Variants in UBR3 observed in about 807,000 individuals in gnomAD.
The protein encoded by UBR3 is ubiquitin protein ligase E3 component n-recognin 3, also known as E3 ubiquitin-protein ligase UBR3.
Under a neutral mutation model 243.2 loss-of-function variants are expected in UBR3, and 85 were observed. The ratio of observed to expected loss-of-function variants is 0.35; its 90% CI spans 0.29 to 0.42. UBR3 has a LOEUF of 0.42. Ranked by LOEUF, UBR3 falls within the 10% of genes least tolerant of loss-of-function variation. UBR3 has a pLI of 1.00. For missense variants in UBR3, 1,686 were observed against 2,300.8 expected (o/e 0.73, Z 5.47); for synonymous variants, 748 against 799.8 (o/e 0.94, Z 1.09).
intron 24 of UBR3, among the ~76,000 whole-genome samples, chr2:169,965,409 GC>G (rs2087760554): frequency 6.6e-6 from 1 of 151,958 alleles, no homozygotes; most frequent in South Asian, 2.1e-4. Context: ...CTGTTCCAAG[GC>G]CCCCAGAGGA....
At chr2:169,941,689 A>G (rs1247095139) in intron 19 of UBR3, among the ~76,000 whole-genome samples, 1 of 152,196 alleles carries the variant, frequency 6.6e-6, no homozygotes, top group Non-Finnish European at 1.5e-5. Context: ...ATAGGTATGT[A>G]TGTGTAGGAA....
At chr2:169,857,458 C>T in intron 1 of UBR3, among the ~76,000 whole-genome samples, 1 of 151,946 alleles carries the variant, frequency 6.6e-6, no homozygotes, top group East Asian at 1.9e-4. Flanking sequence ...CTCTTGTTGC[C>T]CAGGCTGGAG....
In UBR3 at chr2:170,073,482, T is replaced by C; in HGVS notation, c.5074T>C (p.Tyr1692His). The C allele has an allele frequency of 2.5e-6, 4 of 1,613,838 alleles. No individual in the cohort carries two copies. The highest frequency in any genetic ancestry group is 3.4e-6 in the Non-Finnish European group (4 of 1,179,736). Residue 1692 changes from tyrosine (Y) to histidine (H), a missense_variant, in exon 36 of 39, where the codon TAC becomes CAC. Around this residue, in one of 8 missense-constraint regions of UBR3, gnomAD observed 371 missense variants for 422.5 expected, o/e 0.88. Coordinates refer to ENST00000272793, the MANE Select transcript of UBR3 (RefSeq NM_172070.4). ...CTGCCTGGGACTTCTGCCAACGTTT[T>C]ACCAAACAGAACATCCATTCATCAG... ...ASCLGLLPTF[Y>H]QTEHPFISAS...
At chr2:169,987,409 CA>C (rs78223401) in intron 25 of UBR3, among the ~76,000 whole-genome samples, 5 of 126,112 alleles carry the variant, frequency 4.0e-5, no homozygotes, top group Admixed American at 1.6e-4. Context: ...AAAAAAAAAA[CA>C]AAAAAAAAAC....
Position 169,984,241 on chromosome 2 carries a change from A to C in UBR3, c.3635-2404A>C, listed in dbSNP as rs73017658. Among the ~76,000 whole-genome samples the C allele has an allele frequency of 7.8e-3, 1,193 of 152,308 alleles. 13 individuals are homozygous for C. The highest frequency in any genetic ancestry group is 0.026 in the African/African-American group (1,074 of 41,566). On this transcript the variant is annotated intron_variant, in intron 24 of 38. Coordinates refer to ENST00000272793, the MANE Select transcript of UBR3 (RefSeq NM_172070.4). Reference sequence around the variant, plus strand: ...TACTCATTTAGAGTAGGGGTTTTTAAAAGAAACCTTTTTATTGAAATATAC... The same window carrying C: ...TACTCATTTAGAGTAGGGGTTTTTACAAGAAACCTTTTTATTGAAATATAC...
chr2:170,012,354 A>AT (rs2090110198), intron 29 of UBR3, among the ~76,000 whole-genome samples: 2 of 151,970 alleles, frequency 1.3e-5, no homozygotes, highest in Admixed American at 6.6e-5. Context: ...GTCAGTTCCC[A>AT]TTTTTTTTCT....
At chr2:170,033,575 AC>A (rs2090738222) in intron 31 of UBR3, among the ~76,000 whole-genome samples, 1 of 15,928 alleles carries the variant, frequency 6.3e-5, no homozygotes, top group African/African-American at 3.2e-4. Context: ...TGGTTTTTCC[AC>A]ACCCACCCCC....
chr2:169,886,773 C>G (rs895538935), intron 5 of UBR3, among the ~76,000 whole-genome samples: 10 of 152,182 alleles, frequency 6.6e-5, no homozygotes, highest in Admixed American at 3.3e-4. Context: ...TGGGCCCCAC[C>G]TTACAGCTGA....
At chr2:169,967,642 T>A (rs937273563) in intron 24 of UBR3, among the ~76,000 whole-genome samples, 5 of 152,040 alleles carry the variant, frequency 3.3e-5, no homozygotes, top group Non-Finnish European at 5.9e-5. Flanking sequence ...CATCTTACAT[T>A]AAGATTTCCT....
intron 30 of UBR3, among the ~76,000 whole-genome samples, chr2:170,017,140 C>G (rs2090259398): frequency 6.6e-6 from 1 of 151,456 alleles, no homozygotes; most frequent in Non-Finnish European, 1.5e-5. Context: ...GATGATGATT[C>G]ATGGGATCTC....
chr2:169,918,391 G>A (rs995754760), intron 11 of UBR3, among the ~76,000 whole-genome samples: 4 of 151,608 alleles, frequency 2.6e-5, no homozygotes, highest in Non-Finnish European at 4.4e-5. Context: ...TGACTAAGAG[G>A]CACATATTAC....
intron 11 of UBR3, among the ~76,000 whole-genome samples, chr2:169,918,466 T>C (rs943964662): frequency 2.0e-5 from 3 of 151,134 alleles, no homozygotes; most frequent in African/African-American, 7.3e-5. Context: ...ATTATGGTAA[T>C]CTAGTACAAA....
At chr2:169,947,771 G>T in intron 22 of UBR3, 56 bp downstream of exon 22, 4 of 1,353,554 alleles carry the variant, frequency 3.0e-6, no homozygotes, top group Non-Finnish European at 3.8e-6. Flanking sequence ...TGTATGTTAT[G>T]TTGGGATATA....
rs1377625551 is a variant in UBR3 at position 170,061,084 on chromosome 2, A to C, written c.4791A>C (p.Thr1597=). 1 of 1,565,752 alleles carries C rather than the reference A, an allele frequency of 6.4e-7. No individual in the cohort carries two copies. Among genetic ancestry groups the C allele is most frequent in the Admixed American group, 2.1e-5 (1 of 48,080 alleles). The change falls in exon 34 of 39, where the codon ACA becomes ACC. Residue 1597 remains threonine (T), a synonymous_variant. Coordinates refer to ENST00000272793, the MANE Select transcript of UBR3 (RefSeq NM_172070.4). Reference sequence around the variant, plus strand: ...CAATATTTTAATTTTTTCAGAGTACATGTGATGCAGAAAAGTCTTACGAAG... The same window carrying C: ...CAATATTTTAATTTTTTCAGAGTACCTGTGATGCAGAAAAGTCTTACGAAG... ...WKHAGALKKS[T]CDAEKSYEVL... is the part of the protein sequence containing the mutation.
intron 1 of UBR3, among the ~76,000 whole-genome samples, chr2:169,861,618 AAAAG>A (rs1195383622): frequency 7.2e-6 from 1 of 138,796 alleles, no homozygotes; most frequent in African/African-American, 2.6e-5. Context: ...AAAAAAAAAA[AAAAG>A]AAAAGAAAAA....
At position 169,860,069 on chromosome 2, in the gene UBR3, T is replaced by G. The variant is rs546810273; in HGVS notation, c.546-12167T>G. ...ACAGTTCTATTATATATCTTCTATTTCCATCATTATGCTTTCATTCCTGTC... is the reference window on the plus strand; with the variant it reads ...ACAGTTCTATTATATATCTTCTATTGCCATCATTATGCTTTCATTCCTGTC... On this transcript the variant is annotated intron_variant, in intron 1 of 38. Coordinates refer to ENST00000272793, the MANE Select transcript of UBR3 (RefSeq NM_172070.4). 4.6e-5 allele frequency among the ~76,000 whole-genome samples: 7 copies of G among 152,322 alleles called. No individual in the cohort carries two copies. The South Asian group carries it at 1.4e-3, about 32-fold the overall frequency.
chr2:169,883,387 G>A (rs1013399388), intron 5 of UBR3, among the ~76,000 whole-genome samples: 1 of 152,234 alleles, frequency 6.6e-6, no homozygotes, highest in Non-Finnish European at 1.5e-5. Flanking sequence ...CCCAAGAGTA[G>A]AAGCTGTAGA....
At chr2:169,889,991 A>G (rs988341699) in intron 5 of UBR3, among the ~76,000 whole-genome samples, 1 of 152,122 alleles carries the variant, frequency 6.6e-6, no homozygotes, top group Non-Finnish European at 1.5e-5. Flanking sequence ...TCTTTATAAT[A>G]TTGGTTGGTT....
chr2:169,853,367 C>G (rs1333036111), intron 1 of UBR3, among the ~76,000 whole-genome samples: 1 of 152,136 alleles, frequency 6.6e-6, no homozygotes, highest in Non-Finnish European at 1.5e-5. Flanking sequence ...TGTATAGGTT[C>G]TTTCTTATAA....
Sources: gnomAD v4.1 joint callset for allele counts (sites outside exome capture counted in the v4.1 genomes callset) on GRCh38, gnomAD v4.1.1 for gene constraint, gnomAD v4.1.1 regional missense constraint, MANE v1.5 for transcripts, NCBI Gene and HGNC (gene_info 2026-07-23, HGNC 2026-07-21) for gene names.